Variants in CNTN6 observed in about 807,000 individuals in gnomAD.
The protein encoded by CNTN6 is contactin-6.
CNTN6 carries 137 observed loss-of-function variants against 122.8 expected under a neutral mutation model. The observed-to-expected ratio is 1.12, with a 90% CI of 0.97 to 1.29. CNTN6 has a LOEUF of 1.29. CNTN6 is among the 50% of genes most tolerant of loss of function. The probability of loss-of-function intolerance (pLI) is 0.00; values close to 1 mark genes in which losing one functional copy is unlikely to be tolerated. For synonymous variants in CNTN6, 570 were observed against 426.0 expected, an observed-to-expected ratio of 1.34 and a Z score of -4.16; for missense variants, 1,634 against 1,223.4, an observed-to-expected ratio of 1.34 and a Z score of -5.01.
intron 5 of CNTN6, among the ~76,000 whole-genome samples, chr3:1,289,973 G>A (rs1379370783): frequency 6.6e-6 from 1 of 152,028 alleles, no homozygotes; most frequent in African/African-American, 2.4e-5. Context: ...TGCGCCCGGC[G>A]AGTTTTATCA....
At chr3:1,217,203 A>G (rs1188723441) in intron 2 of CNTN6, among the ~76,000 whole-genome samples, 1 of 152,164 alleles carries the variant, frequency 6.6e-6, no homozygotes, top group Non-Finnish European at 1.5e-5. Flanking sequence ...GGTCTTTCCA[A>G]CCAAGAAGTC....
At chr3:1,292,869 G>A (rs1034847114) in intron 5 of CNTN6, among the ~76,000 whole-genome samples, 1 of 151,884 alleles carries the variant, frequency 6.6e-6, no homozygotes, top group Admixed American at 6.6e-5. Flanking sequence ...TACATCTCCA[G>A]GTTTTTAAAT....
intron 17 of CNTN6, among the ~76,000 whole-genome samples, chr3:1,381,140 A>G (rs1394556531): frequency 1.3e-5 from 2 of 152,168 alleles, no homozygotes; most frequent in Non-Finnish European, 2.9e-5. Context: ...AAACTCCCCT[A>G]TTTATGTAGA....
chr3:1,298,834 C>CTTTGAATAGTAAAAGACTATTCTA (rs1696726169), intron 7 of CNTN6, among the ~76,000 whole-genome samples: 3 of 152,114 alleles, frequency 2.0e-5, no homozygotes, highest in African/African-American at 7.2e-5. Flanking sequence ...ACAGAACATA[C>CTTTGAATAGTAAAAGACTATTCTA]TTTGAATAGT....
At position 1,384,784 on chromosome 3, in the gene CNTN6, T is replaced by C. The variant is rs1188512001; in HGVS notation, c.2518-827T>C. ...ACATATATATACACATATATATATA[T>C]ATATATATATATACACACACACACA... On this transcript the variant is annotated intron_variant, in intron 19 of 22. Transcript: ENST00000446702. Among the ~76,000 whole-genome samples the C allele has an allele frequency of 1.3e-3, 172 of 133,612 alleles. 2 individuals are homozygous for C. Among genetic ancestry groups the C allele is most frequent in the African/African-American group, 4.4e-3 (165 of 37,154 alleles). 87.7% of individuals were successfully genotyped at this position (133,612 alleles called of 152,430 possible).
At chr3:1,221,613 G>C (rs890098430) in intron 3 of CNTN6, among the ~76,000 whole-genome samples, 1 of 152,132 alleles carries the variant, frequency 6.6e-6, no homozygotes, top group Non-Finnish European at 1.5e-5. Flanking sequence ...TAGGGAGAAA[G>C]GGTCAGTAAG....
intron 20 of CNTN6, among the ~76,000 whole-genome samples, chr3:1,389,551 T>A (rs183380184): frequency 3.4e-5 from 5 of 145,518 alleles, no homozygotes; most frequent in Admixed American, 2.1e-4. Flanking sequence ...CAGGATCAAA[T>A]TCACACATAA....
At chr3:1,275,826 A>G (rs1553652255) in intron 4 of CNTN6, among the ~76,000 whole-genome samples, 1 of 152,104 alleles carries the variant, frequency 6.6e-6, no homozygotes, top group Non-Finnish European at 1.5e-5. Context: ...TCAGGAGGTA[A>G]TGTGATTGAC....
At chr3:1,283,902 G>A (rs1193671250) in intron 5 of CNTN6, among the ~76,000 whole-genome samples, 2 of 152,198 alleles carry the variant, frequency 1.3e-5, no homozygotes, top group Non-Finnish European at 2.9e-5. Flanking sequence ...CTGGGGCTGA[G>A]GCAGGAGAAT....
At chr3:1,172,330 T>G (rs1024599620) in intron 2 of CNTN6, among the ~76,000 whole-genome samples, 1 of 150,286 alleles carries the variant, frequency 6.7e-6, no homozygotes, top group Non-Finnish European at 1.5e-5. Flanking sequence ...AACTGACTTT[T>G]TATGTAACAG....
chr3:1,370,881 A>T (rs1708918140), intron 12 of CNTN6, among the ~76,000 whole-genome samples: 1 of 152,024 alleles, frequency 6.6e-6, no homozygotes, highest in African/African-American at 2.4e-5. Flanking sequence ...AAAAAAGTAC[A>T]TGCATCTAAT....
At chr3:1,247,943 C>T (rs375678388) in intron 4 of CNTN6, among the ~76,000 whole-genome samples, 38 of 152,238 alleles carry the variant, frequency 2.5e-4, no homozygotes, top group African/African-American at 8.9e-4. Context: ...GTAGCTGTTA[C>T]AAGAGCATCA....
chr3:1,333,063 A>G (rs1210408063), intron 11 of CNTN6, among the ~76,000 whole-genome samples: 1 of 152,162 alleles, frequency 6.6e-6, no homozygotes, highest in East Asian at 1.9e-4. Flanking sequence ...AGTTTATTTG[A>G]TTGAGTATGT....
At chr3:1,381,717 C>T (rs79717115) in intron 17 of CNTN6, among the ~76,000 whole-genome samples, 6 of 152,276 alleles carry the variant, frequency 3.9e-5, no homozygotes, top group African/African-American at 1.4e-4. Flanking sequence ...TAATTTACAG[C>T]ATCTGTTTTC....
At chr3:1,224,801 A>T (rs145718755) in intron 3 of CNTN6, among the ~76,000 whole-genome samples, 1 of 152,264 alleles carries the variant, frequency 6.6e-6, no homozygotes, top group Non-Finnish European at 1.5e-5. Flanking sequence ...GTTGGAGTTC[A>T]GTGATGCAAT....
At chr3:1,241,448 A>G (rs1009873872) in intron 4 of CNTN6, among the ~76,000 whole-genome samples, 1 of 152,058 alleles carries the variant, frequency 6.6e-6, no homozygotes, top group African/African-American at 2.4e-5. Context: ...TGCGGATGTT[A>G]GAAGAAACAT....
At chr3:1,106,751 T>C (rs1310345467) in intron 1 of CNTN6, among the ~76,000 whole-genome samples, 1 of 152,112 alleles carries the variant, frequency 6.6e-6, no homozygotes, top group Non-Finnish European at 1.5e-5. Flanking sequence ...TCCCTTTCAC[T>C]TCACATATTC....
At chr3:1,214,435 A>G (rs1294828870) in intron 2 of CNTN6, among the ~76,000 whole-genome samples, 4 of 147,414 alleles carry the variant, frequency 2.7e-5, no homozygotes, top group Admixed American at 6.9e-5. Context: ...CAGCCTCCCT[A>G]GTAGCTGGGA....
chr3:1,307,829 A>C (rs1232126872), intron 7 of CNTN6, among the ~76,000 whole-genome samples: 1 of 152,290 alleles, frequency 6.6e-6, no homozygotes. Context: ...GGAAGAACAT[A>C]AAGGTAAGGA....
Sources: gnomAD v4.1 joint callset for allele counts (sites outside exome capture counted in the v4.1 genomes callset) on GRCh38, gnomAD v4.1.1 for gene constraint, MANE v1.5 for transcripts, NCBI Gene and HGNC (gene_info 2026-07-23, HGNC 2026-07-21) for gene names.